FNBP1: variants seen among roughly 807,000 people sequenced by gnomAD.
FNBP1 encodes the protein formin-binding protein 1.
FNBP1 carries 26 observed loss-of-function variants against 90.6 expected under a neutral mutation model. The observed-to-expected ratio is 0.29, with a 90% confidence interval of 0.21 to 0.40. The LOEUF (loss-of-function observed/expected upper bound fraction) is 0.40. FNBP1 is among the 10% of genes least tolerant of loss of function. FNBP1 has a pLI of 1.00. For missense variants in FNBP1, 635 were observed against 768.0 expected, an observed-to-expected ratio of 0.83 and a Z score of 2.05; for synonymous variants, 260 against 265.2, an observed-to-expected ratio of 0.98 and a Z score of 0.19.
intron 4 of FNBP1, among the ~76,000 whole-genome samples, chr9:129,961,741 C>T (rs913580509): frequency 2.6e-5 from 4 of 152,132 alleles, no homozygotes; most frequent in Admixed American, 1.3e-4. Flanking sequence ...CGACCCACCA[C>T]GCCCAGCTAA....
intron 11 of FNBP1, among the ~76,000 whole-genome samples, chr9:129,911,802 C>T (rs765060147): frequency 3.3e-5 from 5 of 151,830 alleles, no homozygotes; most frequent in Non-Finnish European, 7.4e-5. Context: ...TGTGGTAGCA[C>T]CCGCCTGTAG....
chr9:129,981,005 C>A (rs1163522777), intron 2 of FNBP1, among the ~76,000 whole-genome samples: 4 of 147,644 alleles, frequency 2.7e-5, no homozygotes. Context: ...GAGCTGAGAT[C>A]GCGCCACTGC....
chr9:129,923,035 T>A (rs1210019463), intron 10 of FNBP1, among the ~76,000 whole-genome samples: 1 of 151,976 alleles, frequency 6.6e-6, no homozygotes, highest in Non-Finnish European at 1.5e-5. Flanking sequence ...AATTTTTATA[T>A]ATTTTTTTAA....
intron 1 of FNBP1, among the ~76,000 whole-genome samples, chr9:130,010,038 T>C (rs2056342868): frequency 6.7e-6 from 1 of 150,212 alleles, no homozygotes; most frequent in African/African-American, 2.5e-5. Flanking sequence ...CATGCCAAAT[T>C]AGTGGAAAAA....
chr9:130,032,944 G>A (rs570657279), intron 1 of FNBP1, among the ~76,000 whole-genome samples: 2 of 152,188 alleles, frequency 1.3e-5, no homozygotes, highest in South Asian at 2.1e-4. Flanking sequence ...CCAAAGCAAC[G>A]ATTTCCAGGC....
At chr9:130,005,543 A>G (rs968712075) in intron 1 of FNBP1, among the ~76,000 whole-genome samples, 2 of 152,020 alleles carry the variant, frequency 1.3e-5, no homozygotes, top group East Asian at 1.9e-4. Context: ...GGATTTCACC[A>G]TGTTAGCAAG....
intron 6 of FNBP1, among the ~76,000 whole-genome samples, chr9:129,946,727 C>G (rs192197704): frequency 3.3e-4 from 51 of 152,334 alleles, no homozygotes; most frequent in African/African-American, 1.2e-3. Context: ...TTTGTAACCA[C>G]TAACTGCAGA....
intron 2 of FNBP1, among the ~76,000 whole-genome samples, chr9:129,988,257 CA>C (rs1564512240): frequency 6.6e-6 from 1 of 151,188 alleles, no homozygotes; most frequent in Non-Finnish European, 1.5e-5. Context: ...GAAACTGTCT[CA>C]AAAATAAATA....
intron 15 of FNBP1, among the ~76,000 whole-genome samples, chr9:129,898,117 A>T (rs2131264917): frequency 6.6e-6 from 1 of 152,260 alleles, no homozygotes; most frequent in African/African-American, 2.4e-5. Context: ...GGCGTGAGCC[A>T]CCATGCCCGG....
intron 2 of FNBP1, among the ~76,000 whole-genome samples, chr9:129,985,582 G>A (rs1044648878): frequency 2.0e-5 from 3 of 152,240 alleles, no homozygotes; most frequent in East Asian, 1.9e-4. Flanking sequence ...TTGGGAGGCC[G>A]AGGTGGGCAG....
In FNBP1 at chr9:129,888,298, T is replaced by C. The variant is rs1182527274; in HGVS notation, c.*2241A>G. 1 of 232,414 alleles carries C rather than the reference T, an allele frequency of 4.3e-6. No homozygotes were observed. Among genetic ancestry groups the C allele is most frequent in the Non-Finnish European group, 8.5e-6 (1 of 117,616 alleles). 14.4% of individuals were successfully genotyped at this position (232,414 alleles called of 1,614,324 possible). ...TCTAAAATCCCATTTTAAAGAACCG[T>C]TTCACATCCTCGTGGAGTGGAGAGT... On this transcript the variant is annotated 3_prime_UTR_variant, in exon 17 of 17. Transcript: ENST00000446176.
intron 4 of FNBP1, among the ~76,000 whole-genome samples, chr9:129,968,958 A>C (rs2133190872): frequency 6.6e-6 from 1 of 152,318 alleles, no homozygotes; most frequent in South Asian, 2.1e-4. Context: ...GGAGCTATAA[A>C]TCTTCACAAA....
At chr9:129,927,430 TCTCTTTGAGG>T in intron 7 of FNBP1, 89 bp from the exon 8 acceptor site, 3 of 1,295,282 alleles carry the variant, frequency 2.3e-6, no homozygotes, top group Admixed American at 1.9e-5. Context: ...TCTAACAAGT[TCTCTTTGAGG>T]AAAAAATGGG....
intron 8 of FNBP1, 45 bp downstream of exon 8, chr9:129,927,150 G>T (rs1181984610): frequency 6.3e-7 from 1 of 1,595,618 alleles, no homozygotes; most frequent in African/African-American, 1.3e-5. Context: ...GAGAAATAAT[G>T]GATCTGCAAA....
rs184954091 is a variant in FNBP1, at chr9:129,957,646, G to A, written c.409-182C>T. Among the ~76,000 whole-genome samples, 4 of 151,762 alleles carry A rather than the reference G, an allele frequency of 2.6e-5. No individual in the cohort carries two copies. The highest frequency in any genetic ancestry group is 1.9e-4 in the East Asian group (1 of 5,146). On this transcript the variant is annotated intron_variant, in intron 5 of 16. Coordinates refer to ENST00000446176, the MANE Select transcript of FNBP1 (RefSeq NM_015033.3). This position sits in a 1 kb window ranked among gnomAD's most constrained non-coding sequence, Gnocchi z 4.3. Reference sequence around the variant, plus strand: ...GGCTCACTGCAGCTTTGACCTTCCCGGCTCAGGTGATCCTCCCACCTCAGC... The same window carrying A: ...GGCTCACTGCAGCTTTGACCTTCCCAGCTCAGGTGATCCTCCCACCTCAGC...
chr9:129,938,914 C>G (rs896482315), intron 6 of FNBP1, among the ~76,000 whole-genome samples: 1 of 152,118 alleles, frequency 6.6e-6, no homozygotes, highest in Non-Finnish European at 1.5e-5. Flanking sequence ...CCCTTTCCCC[C>G]CTGGTTTCTC....
chr9:129,963,897 G>C (rs545349650), intron 4 of FNBP1, among the ~76,000 whole-genome samples: 1 of 152,112 alleles, frequency 6.6e-6, no homozygotes, highest in Non-Finnish European at 1.5e-5. Flanking sequence ...TTACAGGCAT[G>C]AGCCACCATG....
intron 10 of FNBP1, among the ~76,000 whole-genome samples, chr9:129,922,326 C>T: frequency 6.6e-6 from 1 of 152,182 alleles, no homozygotes; most frequent in Non-Finnish European, 1.5e-5. Flanking sequence ...AAGCGCACAT[C>T]AATCTTAATG....
chr9:129,895,946 T>A lies in FNBP1; in HGVS notation c.1738A>T (p.Ile580Leu). The A allele has an allele frequency of 6.2e-7, 1 of 1,611,610 alleles. No individual in the cohort carries two copies. Among genetic ancestry groups the A allele is most frequent in the African/African-American group, 1.3e-5 (1 of 74,896 alleles). Residue 580 changes from isoleucine (I) to leucine (L), a missense_variant, in exon 16 of 17, where the codon ATA becomes TTA. Transcript: ENST00000446176. The stretch of plus-strand genomic sequence containing the variant: ...CAGCCATCGCCTTTGTCTTCCTCTA[T>A]GACATACAATGTTTCTCCTTCAACT... ...SVVEGETLYV[I>L]EEDKGDGWTR...
Sources: gnomAD v4.1 joint callset for allele counts (sites outside exome capture counted in the v4.1 genomes callset) on GRCh38, gnomAD v4.1.1 for gene constraint, Gnocchi (gnomAD v3.1) non-coding constraint, MANE v1.5 for transcripts, NCBI Gene and HGNC (gene_info 2026-07-23, HGNC 2026-07-21) for gene names.